TBCD: variants seen among roughly 807,000 people sequenced by gnomAD.
The protein encoded by TBCD is tubulin-specific chaperone D.
In TBCD, 105 loss-of-function variants were observed where a neutral mutation model predicts 169.3. That is an observed-to-expected ratio of 0.62 (90% CI 0.53 to 0.73). TBCD has a LOEUF of 0.73. Ranked by LOEUF, TBCD falls within the 30% of genes least tolerant of loss-of-function variation. The pLI is 0.00. For synonymous variants in TBCD, 700 were observed against 643.9 expected (o/e 1.09, Z -1.32); for missense variants, 1,444 against 1,600.1 (o/e 0.90, Z 1.66).
Position 82,768,493 on chromosome 17 carries a change from T to G in TBCD, c.509T>G (p.Leu170Arg). ...TCLIPFDFSR[L>R]DGNLLTQPGQ... is the part of the protein sequence containing the mutation. ...CTGATCCCTTTTGATTTTTCTCGCC[T>G]TGACGGGAACCTCCTCACCCAGCCT... Residue 170 changes from leucine to arginine, a missense_variant, in exon 5 of 39, where the codon CTT becomes CGT. Physicochemically the swap from Leu to Arg is moderately radical, Grantham distance 102. Coordinates refer to ENST00000355528, the MANE Select transcript of TBCD (RefSeq NM_005993.5). The G allele has an allele frequency of 6.2e-7, 1 of 1,613,914 alleles. No homozygotes were observed.
chr17:82,856,966 C>T (rs543691832), intron 13 of TBCD, among the ~76,000 whole-genome samples: 1 of 145,734 alleles, frequency 6.9e-6, no homozygotes, highest in African/African-American at 2.6e-5. Flanking sequence ...GCGTGCGGAC[C>T]CTCGGTGCGC....
Position 82,781,670 on chromosome 17 carries a change from C to T in TBCD, c.720C>T (p.Ser240=), listed in dbSNP as rs773208605. 4.3e-6 allele frequency: 7 copies of T among 1,613,898 alleles called. No individual in the cohort carries two copies. Among genetic ancestry groups the T allele is most frequent in the East Asian group, 2.2e-5 (1 of 44,868 alleles). The change falls in exon 7 of 39, where the codon TCC becomes TCT. Residue 240 remains serine, a synonymous_variant. Coordinates refer to ENST00000355528, the MANE Select transcript of TBCD (RefSeq NM_005993.5). ...GCCTGTGCAATCTGGCCCGTTCCTC[C>T]TTCCAGACCATGCAGGGGGTCATCA... is the stretch of plus-strand genomic sequence containing the variant. The part of the protein sequence containing the change: ...DWSLCNLARS[S]FQTMQGVITM...
intron 3 of TBCD, among the ~76,000 whole-genome samples, chr17:82,764,350 C>A (rs1379636172): frequency 2.0e-5 from 3 of 152,078 alleles, no homozygotes; most frequent in Non-Finnish European, 4.4e-5. Context: ...AAACTTCTTA[C>A]AAGGAGAAAG....
intron 13 of TBCD, among the ~76,000 whole-genome samples, chr17:82,819,032 T>C (rs2052175663): frequency 6.6e-6 from 1 of 151,982 alleles, no homozygotes; most frequent in South Asian, 2.1e-4. Context: ...CACTCCAGCC[T>C]GGGTGACAGA....
chr17:82,934,785 T>C (rs1261259917), intron 34 of TBCD, among the ~76,000 whole-genome samples: 5 of 151,996 alleles, frequency 3.3e-5, no homozygotes, highest in Non-Finnish European at 7.4e-5. Context: ...AATATTGACA[T>C]ATATTTTTCT....
Position 82,838,696 on chromosome 17 carries a change from G to A in TBCD, c.1318+23762G>A, listed in dbSNP as rs537488076. On this transcript the variant is annotated intron_variant, in intron 13 of 38. Transcript: ENST00000355528. ...TCCCAGCCTTTCGGTTCTTTAAAAT[G>A]AAAGATAAACCTCAGGACAACCAAG... 2.6e-5 allele frequency: 26 copies of A among 985,406 alleles called. No individual in the cohort carries two copies. The South Asian group carries it at 1.0e-3, about 39-fold the overall frequency. 61.0% of individuals were successfully genotyped at this position (985,406 alleles called of 1,614,324 possible).
chr17:82,859,664 C>T, intron 13 of TBCD: 2 of 985,400 alleles, frequency 2.0e-6, no homozygotes, highest in South Asian at 4.7e-5. Context: ...TGGACAGGCT[C>T]CTGAGGACCA....
chr17:82,818,670 C>G (rs1489684805), intron 13 of TBCD, among the ~76,000 whole-genome samples: 1 of 152,212 alleles, frequency 6.6e-6, no homozygotes, highest in Non-Finnish European at 1.5e-5. Flanking sequence ...TGTCACAGCT[C>G]ATGCTCAGCC....
At chr17:82,888,180 G>A (rs568804935) in intron 15 of TBCD, among the ~76,000 whole-genome samples, 7 of 152,308 alleles carry the variant, frequency 4.6e-5, no homozygotes, top group East Asian at 3.9e-4. Context: ...CACCTCGCCC[G>A]GTCCCGGGGA....
At position 82,832,299 on chromosome 17, in the gene TBCD, C is replaced by A; in HGVS notation, c.1318+17365C>A. 1 of 1,614,158 alleles carries A rather than the reference C, an allele frequency of 6.2e-7. No individual in the cohort carries two copies. On this transcript the variant is annotated intron_variant, in intron 13 of 38. Transcript: ENST00000355528. This position sits in a 1 kb window ranked among gnomAD's most constrained non-coding sequence, Gnocchi z 4.9. ...GATCCTGCTCTGATACTAAAGTAATCGAGTTTTTACAAAGACCATACTTCA... is the reference window on the plus strand; with the variant it reads ...GATCCTGCTCTGATACTAAAGTAATAGAGTTTTTACAAAGACCATACTTCA...
chr17:82,942,855 G>A lies in TBCD; in HGVS notation c.*392G>A, dbSNP rs531780025. 1.8e-4 allele frequency: 55 copies of A among 303,694 alleles called. No individual in the cohort carries two copies. The highest frequency in any genetic ancestry group is 9.2e-4 in the African/African-American group (42 of 45,808). The allele number at this position is 303,694 out of a possible 1,614,324, so 18.8% of individuals were successfully genotyped here. On this transcript the variant is annotated 3_prime_UTR_variant, in exon 39 of 39. Transcript: ENST00000355528. Reference sequence around the variant, plus strand: ...TGGTGCTGTCCCTGCTGTGGGAGACGTCTGGCCACAGGCAGTGCCCCACCC... The same window carrying A: ...TGGTGCTGTCCCTGCTGTGGGAGACATCTGGCCACAGGCAGTGCCCCACCC...
At chr17:82,865,374 C>T in intron 13 of TBCD, 1 of 787,596 alleles carries the variant, frequency 1.3e-6, no homozygotes, top group Non-Finnish European at 1.5e-6. Flanking sequence ...CGCTGAGGGT[C>T]CCTCCACATC....
chr17:82,762,368 T>G (rs1175573828), intron 2 of TBCD, among the ~76,000 whole-genome samples: 3 of 151,686 alleles, frequency 2.0e-5, no homozygotes, highest in Non-Finnish European at 2.9e-5. Flanking sequence ...ATGTACAAGT[T>G]TTTAGGTAGA....
intron 36 of TBCD, among the ~76,000 whole-genome samples, chr17:82,938,447 C>G (rs2062818761): frequency 6.6e-6 from 1 of 152,190 alleles, no homozygotes; most frequent in Non-Finnish European, 1.5e-5. Context: ...CACCTAGGGG[C>G]AGTGCCCTTC....
rs1034453701 is a variant in TBCD, at chr17:82,874,365, C to T, written c.1475+3985C>T. The stretch of plus-strand genomic sequence containing the variant: ...TGGCGGGGCCAGCGTTGGCCTGGGT[C>T]CCACTTGGCTTTGATCTCGTGGGGC... On this transcript the variant is annotated intron_variant, in intron 14 of 38. Coordinates refer to ENST00000355528, the MANE Select transcript of TBCD (RefSeq NM_005993.5). This position sits in a 1 kb window ranked among gnomAD's most constrained non-coding sequence, Gnocchi z 5.0. Among the ~76,000 whole-genome samples, 2 of 152,132 alleles carry T rather than the reference C, an allele frequency of 1.3e-5. No individual in the cohort carries two copies.
In TBCD at chr17:82,915,708, G is replaced by A. The variant is rs567055688; in HGVS notation, c.2038+3919G>A. Among the ~76,000 whole-genome samples the A allele has an allele frequency of 6.6e-6, 1 of 152,148 alleles. No homozygotes were observed. Among genetic ancestry groups the A allele is most frequent in the African/African-American group, 2.4e-5 (1 of 41,424 alleles). ...CGAGGGCAGGGGCCGGGAGGAAGGG[G>A]GTCATCTGGCTCACAGCCTTGCACC... On this transcript the variant is annotated intron_variant, in intron 23 of 38. Coordinates refer to ENST00000355528, the MANE Select transcript of TBCD (RefSeq NM_005993.5). The surrounding 1 kb of genome is among the most constrained non-coding windows in gnomAD (Gnocchi z 4.3).
intron 26 of TBCD, among the ~76,000 whole-genome samples, chr17:82,924,677 T>C (rs529557480): frequency 5.3e-5 from 8 of 152,148 alleles, no homozygotes; most frequent in African/African-American, 1.9e-4. Flanking sequence ...GGAGGCTGAG[T>C]GTGGGGTTGA....
intron 23 of TBCD, among the ~76,000 whole-genome samples, chr17:82,917,893 T>C (rs2061164554): frequency 6.6e-6 from 1 of 151,992 alleles, no homozygotes. Context: ...CCCCCGCCGC[T>C]CTGTCCCTCT....
intron 13 of TBCD, among the ~76,000 whole-genome samples, chr17:82,824,602 C>T (rs754788456): frequency 6.6e-6 from 1 of 152,222 alleles, no homozygotes; most frequent in African/African-American, 2.4e-5. Context: ...GAGCGACTCT[C>T]CCACCTCAGC....
Sources: gnomAD v4.1 joint callset for allele counts (sites outside exome capture counted in the v4.1 genomes callset) on GRCh38, gnomAD v4.1.1 for gene constraint, Gnocchi (gnomAD v3.1) non-coding constraint, MANE v1.5 for transcripts, NCBI Gene and HGNC (gene_info 2026-07-23, HGNC 2026-07-21) for gene names.